Variants in IGBP1C observed in about 807,000 individuals in gnomAD.
IGBP1C encodes immunoglobulin-binding protein 1 family member C.
the IGBP1C span, among the ~76,000 whole-genome samples, chr17:58,678,212 TG>T: frequency 2.6e-5 from 4 of 152,138 alleles, no homozygotes; most frequent in Non-Finnish European, 5.9e-5. Context: ...CTTATCCAGA[TG>T]GGCCTAATGT....
the IGBP1C span, among the ~76,000 whole-genome samples, chr17:58,664,576 G>A: frequency 6.6e-6 from 1 of 152,180 alleles, no homozygotes; most frequent in South Asian, 2.1e-4. Context: ...CAGAGACTGA[G>A]TCTGCCTGCA....
the IGBP1C span, chr17:58,661,006 G>A: frequency 3.2e-5 from 38 of 1,172,534 alleles, no homozygotes; most frequent in South Asian, 8.5e-5. Context: ...ACCTCTGAAG[G>A]TGAAGAAGAT....
At chr17:58,690,757 G>A in the IGBP1C span, among the ~76,000 whole-genome samples, 1 of 152,088 alleles carries the variant, frequency 6.6e-6, no homozygotes, top group African/African-American at 2.4e-5. Flanking sequence ...TACCAAATGG[G>A]GTATAAATGC....
the IGBP1C span, among the ~76,000 whole-genome samples, chr17:58,665,047 T>C: frequency 6.6e-6 from 1 of 152,196 alleles, no homozygotes; most frequent in African/African-American, 2.4e-5. Flanking sequence ...CTCTGGAAAC[T>C]TTAAAATAAG....
chr17:58,666,301 T>C, the IGBP1C span, among the ~76,000 whole-genome samples: 1 of 151,274 alleles, frequency 6.6e-6, no homozygotes, highest in Non-Finnish European at 1.5e-5. Flanking sequence ...TGAGCCGAGA[T>C]TGCTCCACTG....
chr17:58,661,554 C>T, the IGBP1C span: 44 of 749,366 alleles, frequency 5.9e-5, no homozygotes, highest in Non-Finnish European at 9.4e-5. Context: ...TCGAACAGCT[C>T]GGGGAGCCGC....
chr17:58,669,120 G>A, the IGBP1C span, among the ~76,000 whole-genome samples: 14 of 152,260 alleles, frequency 9.2e-5, no homozygotes, highest in East Asian at 2.5e-3. Flanking sequence ...GGGAGGGTGA[G>A]GTGGGCAGAT....
chr17:58,670,771 T>TCA, the IGBP1C span, among the ~76,000 whole-genome samples: 13 of 7,956 alleles, frequency 1.6e-3, 4 homozygotes, highest in Admixed American at 4.2e-3. Context: ...AGACTCCCTC[T>TCA]TAAAAAAAAA....
the IGBP1C span, among the ~76,000 whole-genome samples, chr17:58,662,409 CAT>C: frequency 8.4e-6 from 1 of 119,376 alleles, no homozygotes; most frequent in East Asian, 2.2e-4. Flanking sequence ...ATATAGCACA[CAT>C]ATCTCACACA....
the IGBP1C span, among the ~76,000 whole-genome samples, chr17:58,676,120 G>C: frequency 2.6e-5 from 4 of 152,044 alleles, no homozygotes; most frequent in African/African-American, 7.2e-5. Flanking sequence ...TCACGCCTGT[G>C]ATCCCAGCAC....
chr17:58,681,706 G>A, the IGBP1C span, among the ~76,000 whole-genome samples: 1 of 151,724 alleles, frequency 6.6e-6, no homozygotes, highest in Non-Finnish European at 1.5e-5. Context: ...AAAAATATCT[G>A]GTGGTGTGCA....
chr17:58,684,484 C>G, the IGBP1C span, among the ~76,000 whole-genome samples: 2 of 150,000 alleles, frequency 1.3e-5, no homozygotes, highest in Non-Finnish European at 3.0e-5. Context: ...AAATTGCTTC[C>G]ATATTAGCCG....
At chr17:58,663,804 G>A in the IGBP1C span, among the ~76,000 whole-genome samples, 3 of 152,118 alleles carry the variant, frequency 2.0e-5, no homozygotes, top group Non-Finnish European at 4.4e-5. Flanking sequence ...GTTGTGGGGA[G>A]CCAAATCCAT....
At chr17:58,683,465 A>T in the IGBP1C span, among the ~76,000 whole-genome samples, 1 of 151,608 alleles carries the variant, frequency 6.6e-6, no homozygotes, top group Non-Finnish European at 1.5e-5. Flanking sequence ...TAGATTATTT[A>T]AAAAGAGACA....
At chr17:58,665,915 C>T in the IGBP1C span, among the ~76,000 whole-genome samples, 1 of 151,574 alleles carries the variant, frequency 6.6e-6, no homozygotes, top group Non-Finnish European at 1.5e-5. Context: ...CGCGTGGTGG[C>T]GGGTGCCTGT....
chr17:58,670,985 A>G, the IGBP1C span, among the ~76,000 whole-genome samples: 1 of 152,118 alleles, frequency 6.6e-6, no homozygotes, highest in Non-Finnish European at 1.5e-5. Flanking sequence ...GACACTGATT[A>G]CCATTACATG....
At chr17:58,680,144 C>T in the IGBP1C span, among the ~76,000 whole-genome samples, 1 of 152,088 alleles carries the variant, frequency 6.6e-6, no homozygotes, top group African/African-American at 2.4e-5. Context: ...CAGTAGTTAT[C>T]GAACTTCTGG....
At chr17:58,690,926 G>A in the IGBP1C span, among the ~76,000 whole-genome samples, 1 of 152,122 alleles carries the variant, frequency 6.6e-6, no homozygotes, top group African/African-American at 2.4e-5. Flanking sequence ...GAGTGCAGTG[G>A]CGTGATCATA....
chr17:58,683,032 G>A, the IGBP1C span, among the ~76,000 whole-genome samples: 2 of 138,732 alleles, frequency 1.4e-5, no homozygotes, highest in African/African-American at 5.5e-5. Flanking sequence ...CAGCCTGGGC[G>A]ACAGTGCGAG....
Sources: gnomAD v4.1 joint callset for allele counts (sites outside exome capture counted in the v4.1 genomes callset) on GRCh38, gnomAD v4.1.1 for gene constraint, MANE v1.5 for transcripts, NCBI Gene and HGNC (gene_info 2026-07-23, HGNC 2026-07-21) for gene names.